MBD5: variants seen among roughly 807,000 people sequenced by gnomAD.
MBD5 encodes the protein methyl-CpG-binding domain protein 5.
Under a neutral mutation model 117.3 loss-of-function variants are expected in MBD5, and 13 were observed. The ratio of observed to expected loss-of-function variants is 0.11; its 90% CI spans 0.07 to 0.18. The LOEUF (loss-of-function observed/expected upper bound fraction) is 0.18. Ranked by LOEUF, MBD5 falls within the 10% of genes least tolerant of loss-of-function variation. The pLI is 1.00. For missense variants in MBD5, 1,879 were observed against 2,093.8 expected (o/e 0.90, Z 2.00); for synonymous variants, 727 against 766.4 (o/e 0.95, Z 0.85).
At chr2:148,371,621 A>C (rs1703855529) in intron 4 of MBD5, among the ~76,000 whole-genome samples, 1 of 152,156 alleles carries the variant, frequency 6.6e-6, no homozygotes, top group Non-Finnish European at 1.5e-5. Context: ...TTAGTAAGAA[A>C]TTAATAACTT....
chr2:148,079,904 A>AC (rs1695605952), intron 1 of MBD5, among the ~76,000 whole-genome samples: 6 of 149,716 alleles, frequency 4.0e-5, no homozygotes, highest in Non-Finnish European at 5.9e-5. Flanking sequence ...AACAACAACA[A>AC]AAACTTGCTT....
At chr2:148,405,762 CAG>C (rs1705057219) in intron 4 of MBD5, among the ~76,000 whole-genome samples, 1 of 152,084 alleles carries the variant, frequency 6.6e-6, no homozygotes, top group Admixed American at 6.6e-5. Flanking sequence ...CTTGTATGTT[CAG>C]AGAGTCCTTT....
intron 2 of MBD5, among the ~76,000 whole-genome samples, chr2:148,205,137 C>T (rs1027749493): frequency 2.6e-5 from 4 of 151,884 alleles, no homozygotes; most frequent in African/African-American, 4.8e-5. Flanking sequence ...AGTGCAGTGG[C>T]GTAATCTCGG....
intron 4 of MBD5, chr2:148,346,903 A>G (rs945403936): frequency 6.6e-6 from 1 of 151,866 alleles, no homozygotes; most frequent in Non-Finnish European, 1.5e-5. Flanking sequence ...ACTATTATAG[A>G]AAGTCAGAAA....
At chr2:148,362,576 G>A (rs968453478) in intron 4 of MBD5, among the ~76,000 whole-genome samples, 8 of 152,178 alleles carry the variant, frequency 5.3e-5, no homozygotes, top group Non-Finnish European at 1.0e-4. Context: ...CAACTTAAAG[G>A]TTCCTTCCTA....
At chr2:148,089,361 C>T (rs116376324) in intron 1 of MBD5, among the ~76,000 whole-genome samples, 1,556 of 152,066 alleles carry the variant, frequency 0.01, 36 homozygotes, top group African/African-American at 0.035. Flanking sequence ...CAGATATTTG[C>T]AGAACATTAT....
intron 3 of MBD5, among the ~76,000 whole-genome samples, chr2:148,270,274 C>T (rs535546913): frequency 6.6e-6 from 1 of 152,178 alleles, no homozygotes; most frequent in East Asian, 1.9e-4. Context: ...ATTTTGCAAG[C>T]CCTAAATATC....
At chr2:148,324,267 C>A (rs1001728796) in intron 3 of MBD5, among the ~76,000 whole-genome samples, 7 of 152,102 alleles carry the variant, frequency 4.6e-5, no homozygotes, top group Non-Finnish European at 8.8e-5. Flanking sequence ...AGTTTGAAGT[C>A]AGGTAGTGTG....
intron 1 of MBD5, among the ~76,000 whole-genome samples, chr2:148,161,437 T>G (rs1169791495): frequency 6.6e-6 from 1 of 152,216 alleles, no homozygotes; most frequent in Non-Finnish European, 1.5e-5. Flanking sequence ...ACTTTAAAGC[T>G]AAGGAAAAAT....
intron 1 of MBD5, among the ~76,000 whole-genome samples, chr2:148,123,968 G>A (rs1043333878): frequency 6.6e-6 from 1 of 152,122 alleles, no homozygotes; most frequent in South Asian, 2.1e-4. Flanking sequence ...TTAATTTCAA[G>A]AACATCTCAT....
At chr2:148,079,278 T>C (rs905176588) in intron 1 of MBD5, among the ~76,000 whole-genome samples, 3 of 152,220 alleles carry the variant, frequency 2.0e-5, no homozygotes, top group African/African-American at 7.2e-5. Flanking sequence ...GTGTGTTTGG[T>C]CTAGCCTCAT....
Position 148,321,357 on chromosome 2 carries a change from A to T in MBD5, c.-679-20857A>T, listed in dbSNP as rs1021999770. Among the ~76,000 whole-genome samples, 42 of 152,238 alleles carry T rather than the reference A, an allele frequency of 2.8e-4. 1 individual carries two copies. The highest frequency in any genetic ancestry group is 6.2e-4 in the South Asian group (3 of 4,818). The stretch of plus-strand genomic sequence containing the variant: ...CATATAAAGTTTTAAAAGTTTACAA[A>T]TTTGTGTTGGGCTGCATTCAAAGCC... On this transcript the variant is annotated intron_variant, in intron 3 of 13. Coordinates refer to ENST00000642680, the MANE Select transcript of MBD5 (RefSeq NM_001378120.1).
At chr2:148,067,118 A>G (rs1321125496) in intron 1 of MBD5, among the ~76,000 whole-genome samples, 1 of 152,200 alleles carries the variant, frequency 6.6e-6, no homozygotes, top group Non-Finnish European at 1.5e-5. Context: ...ATTGATGTTG[A>G]TAAAAGTTTT....
At chr2:148,245,427 A>AT (rs1156228625) in intron 3 of MBD5, among the ~76,000 whole-genome samples, 3 of 151,674 alleles carry the variant, frequency 2.0e-5, no homozygotes, top group Admixed American at 6.6e-5. Flanking sequence ...GGACAAAAAT[A>AT]TTTTTTTTAA....
rs922991958 is a variant in MBD5, at chr2:148,152,840, C to T, written c.-924-25860C>T. 3.8e-4 allele frequency among the ~76,000 whole-genome samples: 58 copies of T among 151,852 alleles called. 1 individual carries two copies. The highest frequency in any genetic ancestry group is 7.1e-4 in the Non-Finnish European group (48 of 67,942). ...TTTTGAGCATATGTGTGTCTCTGCA[C>T]GTGAGATGGGTTTACTGAATACAGC... On this transcript the variant is annotated intron_variant, in intron 1 of 13. Transcript: ENST00000642680.
chr2:148,364,440 C>T (rs192995177), intron 4 of MBD5, among the ~76,000 whole-genome samples: 4 of 152,244 alleles, frequency 2.6e-5, no homozygotes, highest in Admixed American at 1.3e-4. Flanking sequence ...CATCAACTAA[C>T]GGGCAAAATA....
intron 1 of MBD5, among the ~76,000 whole-genome samples, chr2:148,141,839 C>T (rs1041366041): frequency 6.6e-6 from 1 of 151,626 alleles, no homozygotes; most frequent in Non-Finnish European, 1.5e-5. Flanking sequence ...AGGCTGGGCA[C>T]AGTGGCTTAC....
intron 1 of MBD5, among the ~76,000 whole-genome samples, chr2:148,106,244 C>T (rs138822651): frequency 4.1e-4 from 62 of 151,612 alleles, no homozygotes; most frequent in African/African-American, 1.3e-3. Context: ...TTGGGGTGTT[C>T]GTGTAGTTCT....
chr2:148,332,434 T>C (rs1702682707), intron 3 of MBD5, among the ~76,000 whole-genome samples: 1 of 152,192 alleles, frequency 6.6e-6, no homozygotes, highest in South Asian at 2.1e-4. Flanking sequence ...CTTTTCACTA[T>C]CAACTTGAGG....
Sources: allele counts gnomAD v4.1 joint callset (sites outside exome capture counted in the v4.1 genomes callset), GRCh38; gene constraint gnomAD v4.1.1; transcripts MANE v1.5; gene names NCBI Gene and HGNC (gene_info 2026-07-23, HGNC 2026-07-21).